The following SORCS2 variants were observed in gnomAD, a reference collection of about 807,000 sequenced individuals.
The protein encoded by SORCS2 is sortilin related VPS10 domain containing receptor 2.
Under a neutral mutation model 141.6 loss-of-function variants are expected in SORCS2, and 100 were observed. The observed-to-expected ratio is 0.71, with a 90% CI of 0.60 to 0.83. SORCS2 has a LOEUF of 0.83. SORCS2 is among the 40% of genes least tolerant of loss of function. The pLI is 0.00. For missense variants in SORCS2, 1,646 were observed against 1,560.2 expected (o/e 1.05, Z -0.93); for synonymous variants, 789 against 676.9 (o/e 1.17, Z -2.57).
rs1724757521 is a variant in SORCS2 at position 7,697,051 on chromosome 4, A to C, written c.1592-147A>C. The C allele has an allele frequency of 4.6e-6, 3 of 646,694 alleles. No homozygotes were observed. In the African/African-American group the frequency reaches 5.5e-5, roughly 12 times the overall value. 40.1% of individuals were successfully genotyped at this position (646,694 alleles called of 1,614,324 possible). On this transcript the variant is annotated intron_variant, in intron 11 of 26. Transcript: ENST00000507866. ...TGCATAGACCCAGACCCAGGGCCCC[A>C]GCGCAGCAGCCACAGCAGGTCTGTG...
intron 8 of SORCS2, among the ~76,000 whole-genome samples, chr4:7,667,477 T>G (rs528874286): frequency 6.6e-6 from 1 of 152,296 alleles, no homozygotes; most frequent in East Asian, 1.9e-4. Context: ...CCCGGAACCC[T>G]TGCACATGTG....
At chr4:7,264,633 T>C (rs770668101) in intron 1 of SORCS2, among the ~76,000 whole-genome samples, 18 of 152,156 alleles carry the variant, frequency 1.2e-4, no homozygotes, top group Non-Finnish European at 2.6e-4. Flanking sequence ...AGGGTGCTGT[T>C]CTTCTCCTGT....
At chr4:7,289,606 A>C (rs374772385) in intron 1 of SORCS2, among the ~76,000 whole-genome samples, 8 of 152,320 alleles carry the variant, frequency 5.3e-5, no homozygotes, top group African/African-American at 1.9e-4. Flanking sequence ...ACCGAGCTGC[A>C]GTTAATAAAG....
At chr4:7,554,951 G>A (rs1261593638) in intron 3 of SORCS2, among the ~76,000 whole-genome samples, 2 of 152,180 alleles carry the variant, frequency 1.3e-5, no homozygotes, top group African/African-American at 4.8e-5. Flanking sequence ...AGGCATGGAG[G>A]CTCAGGTGCA....
At chr4:7,454,777 C>G (rs1272202983) in intron 2 of SORCS2, among the ~76,000 whole-genome samples, 2 of 92,130 alleles carry the variant, frequency 2.2e-5, no homozygotes, top group Non-Finnish European at 4.1e-5. Flanking sequence ...GGGGTCAGTG[C>G]TGTGTGTTGG....
At chr4:7,500,298 T>G (rs1731885785) in intron 2 of SORCS2, among the ~76,000 whole-genome samples, 1 of 119,106 alleles carries the variant, frequency 8.4e-6, no homozygotes, top group Non-Finnish European at 1.7e-5. Flanking sequence ...ATAAGGTGGA[T>G]CAATACTCGC....
intron 1 of SORCS2, among the ~76,000 whole-genome samples, chr4:7,299,177 C>G (rs1717270176): frequency 6.6e-6 from 1 of 152,168 alleles, no homozygotes; most frequent in Admixed American, 6.5e-5. Flanking sequence ...TCAGGGCGGC[C>G]TGTCCGGGGC....
intron 2 of SORCS2, among the ~76,000 whole-genome samples, chr4:7,415,731 A>G (rs1165745898): frequency 6.6e-6 from 1 of 152,252 alleles, no homozygotes; most frequent in African/African-American, 2.4e-5. Context: ...GGGCACCAAG[A>G]TTGAACACAA....
intron 23 of SORCS2, among the ~76,000 whole-genome samples, chr4:7,730,921 C>T (rs1711608622): frequency 6.6e-6 from 1 of 152,250 alleles, no homozygotes; most frequent in African/African-American, 2.4e-5. Context: ...ACATAGCCTG[C>T]ACTGGTCAGG....
rs796911403 is a variant in SORCS2 at position 7,305,039 on chromosome 4, T to G, written c.481-91249T>G. Among the ~76,000 whole-genome samples, 1,022 of 151,728 alleles carry G rather than the reference T, an allele frequency of 6.7e-3. 9 individuals carry two copies. Among genetic ancestry groups the G allele is most frequent in the African/African-American group, 0.024 (990 of 41,382 alleles). ...GGCCGACATTCTGGCTCTTCTTTTT[T>G]TTTTTTTTTTTGAGACAGAGTCTGG... On this transcript the variant is annotated intron_variant, in intron 1 of 26. Transcript: ENST00000507866.
chr4:7,292,265 G>A (rs991236602), intron 1 of SORCS2, among the ~76,000 whole-genome samples: 9 of 150,612 alleles, frequency 6.0e-5, no homozygotes, highest in Non-Finnish European at 8.9e-5. Flanking sequence ...TTCACGGTCC[G>A]TTCACCAAGG....
rs1044879498 is a variant in SORCS2 at position 7,480,534 on chromosome 4, G to A, written c.549-50996G>A. Among the ~76,000 whole-genome samples the A allele has an allele frequency of 1.1e-4, 17 of 152,318 alleles. No individual in the cohort carries two copies. In the East Asian group the frequency reaches 1.3e-3, roughly 12 times the overall value. ...CAGGCTGTGTTCAGAACAGGCACCCGCCAAGGGGGCGACTGGAGGGGACCC... is the reference window on the plus strand; with the variant it reads ...CAGGCTGTGTTCAGAACAGGCACCCACCAAGGGGGCGACTGGAGGGGACCC... On this transcript the variant is annotated intron_variant, in intron 2 of 26. Transcript: ENST00000507866.
intron 3 of SORCS2, among the ~76,000 whole-genome samples, chr4:7,636,642 G>A (rs1720275785): frequency 6.6e-6 from 1 of 152,054 alleles, no homozygotes; most frequent in Non-Finnish European, 1.5e-5. Flanking sequence ...ACCCAGCCGG[G>A]ATAAGGGTGT....
chr4:7,411,732 A>G (rs1725322416), intron 2 of SORCS2, among the ~76,000 whole-genome samples: 1 of 152,184 alleles, frequency 6.6e-6, no homozygotes, highest in Non-Finnish European at 1.5e-5. Context: ...ACAAGGAACC[A>G]ATCCATGACA....
chr4:7,717,804 C>T (rs1726293733), intron 17 of SORCS2, among the ~76,000 whole-genome samples: 2 of 152,220 alleles, frequency 1.3e-5, no homozygotes, highest in African/African-American at 4.8e-5. Flanking sequence ...GTCCTTCTTC[C>T]TCTGAGCCTC....
At chr4:7,652,533 T>C (rs377300158) in intron 4 of SORCS2, among the ~76,000 whole-genome samples, 22 of 151,922 alleles carry the variant, frequency 1.4e-4, no homozygotes, top group African/African-American at 5.1e-4. Flanking sequence ...GGTCTAGGAG[T>C]GGGCTCCCTG....
intron 2 of SORCS2, among the ~76,000 whole-genome samples, chr4:7,476,338 C>G (rs983245431): frequency 6.6e-6 from 1 of 152,152 alleles, no homozygotes; most frequent in Admixed American, 6.5e-5. Flanking sequence ...AGGCTGGTAA[C>G]TGAGGCAGGA....
intron 2 of SORCS2, among the ~76,000 whole-genome samples, chr4:7,506,961 C>G (rs959701172): frequency 6.6e-6 from 1 of 151,700 alleles, no homozygotes; most frequent in African/African-American, 2.4e-5. Flanking sequence ...CAAAGGTCAG[C>G]TGGTTTTTAC....
intron 2 of SORCS2, among the ~76,000 whole-genome samples, chr4:7,509,494 A>G (rs1275691300): frequency 6.6e-6 from 1 of 152,158 alleles, no homozygotes; most frequent in Non-Finnish European, 1.5e-5. Context: ...TGTGTTGCCC[A>G]TGAGACATTT....
Sources: gnomAD v4.1 joint callset for allele counts (sites outside exome capture counted in the v4.1 genomes callset) on GRCh38, gnomAD v4.1.1 for gene constraint, MANE v1.5 for transcripts, NCBI Gene and HGNC (gene_info 2026-07-23, HGNC 2026-07-21) for gene names.